The following SAMD12 variants were observed in gnomAD, a reference collection of about 807,000 sequenced individuals.
The protein encoded by SAMD12 is sterile alpha motif domain containing 12.
A neutral mutation model predicts 15.0 loss-of-function variants in SAMD12; 9 were observed. The observed-to-expected ratio is 0.60, with a 90% confidence interval of 0.36 to 1.05. The LOEUF (loss-of-function observed/expected upper bound fraction) is 1.05, where lower values mean the gene tolerates loss of function less well. SAMD12 is among the 50% of genes least tolerant of loss of function. The pLI is 0.01. For synonymous variants in SAMD12, 86 were observed against 90.1 expected (o/e 0.96, Z 0.25); for missense variants, 230 against 234.2 (o/e 0.98, Z 0.12).
the SAMD12 span, among the ~76,000 whole-genome samples, chr8:118,165,455 C>T: frequency 1.3e-5 from 2 of 151,756 alleles, no homozygotes; most frequent in East Asian, 2.0e-4. Flanking sequence ...GGGGTTTCAC[C>T]ATGTTGGCTA....
At chr8:118,413,464 C>T (rs1209610902) in intron 3 of SAMD12, among the ~76,000 whole-genome samples, 1 of 152,062 alleles carries the variant, frequency 6.6e-6, no homozygotes, top group Non-Finnish European at 1.5e-5. Flanking sequence ...TTTCCTAATC[C>T]TACATAGCCT....
the SAMD12 span, among the ~76,000 whole-genome samples, chr8:118,152,444 C>T: frequency 9.0e-6 from 1 of 111,566 alleles, no homozygotes; most frequent in Non-Finnish European, 1.9e-5. Context: ...TCCTTCCTTC[C>T]TCCCTCCCTC....
chr8:118,328,197 T>C (rs578132066), intron 4 of SAMD12, among the ~76,000 whole-genome samples: 7 of 152,286 alleles, frequency 4.6e-5, no homozygotes, highest in Middle Eastern at 3.4e-3. Flanking sequence ...AAAATCCTGA[T>C]TGTAGCTTTA....
chr8:118,217,654 A>G (rs1268576458), intron 4 of SAMD12, among the ~76,000 whole-genome samples: 1 of 136,610 alleles, frequency 7.3e-6, no homozygotes, highest in African/African-American at 2.5e-5. Context: ...GCCTTGAAAG[A>G]GAGGAGAAAA....
intron 2 of SAMD12, among the ~76,000 whole-genome samples, chr8:118,444,773 T>A (rs1192212156): frequency 2.6e-5 from 4 of 152,212 alleles, no homozygotes; most frequent in Admixed American, 2.0e-4. Context: ...TAAATTTTTA[T>A]TTTGTGATTC....
intron 4 of SAMD12, among the ~76,000 whole-genome samples, chr8:118,364,276 G>A (rs752539204): frequency 1.3e-5 from 2 of 152,080 alleles, no homozygotes; most frequent in Non-Finnish European, 2.9e-5. Flanking sequence ...TCATATTTCT[G>A]GGGAAATAGG....
the SAMD12 span, among the ~76,000 whole-genome samples, chr8:118,147,059 C>T: frequency 1.3e-5 from 2 of 151,042 alleles, no homozygotes; most frequent in African/African-American, 4.9e-5. Context: ...GAGTCTCATT[C>T]TGTTGCCCAG....
chr8:118,577,199 C>G (rs1827174562), intron 2 of SAMD12, among the ~76,000 whole-genome samples: 1 of 152,114 alleles, frequency 6.6e-6, no homozygotes, highest in Non-Finnish European at 1.5e-5. Flanking sequence ...TCTCTTTGGT[C>G]TGTAAGAGCT....
At chr8:118,184,945 T>C (rs1487522575), downstream of SAMD12, among the ~76,000 whole-genome samples, 2 of 151,988 alleles carry the variant, frequency 1.3e-5, no homozygotes, top group East Asian at 3.9e-4. Context: ...TCTTTTTTCC[T>C]GATTCCATTG....
intron 2 of SAMD12, among the ~76,000 whole-genome samples, chr8:118,444,537 C>CTT (rs753468369): frequency 1.1e-4 from 16 of 140,876 alleles, no homozygotes; most frequent in Middle Eastern, 3.9e-3. Flanking sequence ...TTGCAAATTA[C>CTT]TTTTTTTTTT....
intron 3 of SAMD12, among the ~76,000 whole-genome samples, chr8:118,434,296 C>A (rs899120697): frequency 1.2e-4 from 19 of 152,148 alleles, no homozygotes; most frequent in African/African-American, 3.6e-4. Context: ...TATAATAAGT[C>A]AATAGGAATC....
chr8:118,604,486 G>T (rs1007136696), intron 1 of SAMD12, among the ~76,000 whole-genome samples: 2 of 152,056 alleles, frequency 1.3e-5, no homozygotes, highest in East Asian at 3.9e-4. Context: ...AAAAATAGCT[G>T]AACAGCCTCC....
chr8:118,146,825 G>A, the SAMD12 span, among the ~76,000 whole-genome samples: 1 of 152,092 alleles, frequency 6.6e-6, no homozygotes, highest in Non-Finnish European at 1.5e-5. Flanking sequence ...TAACTTAGAG[G>A]GAAGGATTTT....
At chr8:118,165,622 A>ATATATACATATATATGTATATATG in the SAMD12 span, among the ~76,000 whole-genome samples, 5 of 135,820 alleles carry the variant, frequency 3.7e-5, no homozygotes, top group African/African-American at 1.6e-4. Flanking sequence ...ATGTATATAT[A>ATATATACATATATATGTATATATG]TATATATATA....
chr8:118,277,622 A>G (rs1317917651), intron 4 of SAMD12, among the ~76,000 whole-genome samples: 1 of 151,898 alleles, frequency 6.6e-6, no homozygotes, highest in African/African-American at 2.4e-5. Flanking sequence ...CTCTCAAATG[A>G]TATTATTTAG....
chr8:118,349,064 T>C (rs747246356), intron 4 of SAMD12, among the ~76,000 whole-genome samples: 35 of 152,180 alleles, frequency 2.3e-4, no homozygotes, highest in Admixed American at 9.8e-4. Flanking sequence ...ATTTTATCCA[T>C]ATGCTTGGAG....
Position 118,458,143 on chromosome 8 carries a change from C to T in SAMD12, c.193-18182G>A, listed in dbSNP as rs551496980. On this transcript the variant is annotated intron_variant, in intron 2 of 3. Transcript: ENST00000314727. ...AAAGACACACCACAAATGCAGTTTTCCTACTTAACTAAATCACATTTCTCC... is the reference window on the plus strand; with the variant it reads ...AAAGACACACCACAAATGCAGTTTTTCTACTTAACTAAATCACATTTCTCC... Among the ~76,000 whole-genome samples the T allele has an allele frequency of 2.9e-4, 44 of 152,312 alleles. 1 individual carries two copies. In the South Asian group the frequency reaches 7.9e-3, roughly 27 times the overall value.
rs570730025 is a variant in SAMD12, at chr8:118,566,038, C to T, written c.192+14677G>A. On this transcript the variant is annotated intron_variant, in intron 2 of 3. Coordinates refer to ENST00000314727, the MANE Select transcript of SAMD12 (RefSeq NM_207506.3). ...TTGCTAGCTCTTATTCAGCTCTCTG[C>T]GGAGCAGCTAGAGTCTTCTCTTTAT... Among the ~76,000 whole-genome samples the T allele has an allele frequency of 9.2e-5, 14 of 152,328 alleles. No homozygotes were observed. The South Asian group carries it at 2.1e-3, about 23-fold the overall frequency.
chr8:118,399,190 A>G (rs1016631356), intron 3 of SAMD12, among the ~76,000 whole-genome samples: 1 of 112,450 alleles, frequency 8.9e-6, no homozygotes, highest in Non-Finnish European at 1.9e-5. Context: ...GGCCCGATAA[A>G]TTTTTTTTTT....
Sources: gnomAD v4.1 joint callset for allele counts (sites outside exome capture counted in the v4.1 genomes callset) on GRCh38, gnomAD v4.1.1 for gene constraint, MANE v1.5 for transcripts, NCBI Gene and HGNC (gene_info 2026-07-23, HGNC 2026-07-21) for gene names.